Variants in HS6ST3 observed in about 807,000 individuals in gnomAD.
HS6ST3 encodes the protein heparan sulfate 6-O-sulfotransferase 3, also known as heparan-sulfate 6-O-sulfotransferase 3.
A neutral mutation model predicts 36.7 loss-of-function variants in HS6ST3; 12 were observed. That is an observed-to-expected ratio of 0.33 (90% confidence interval 0.21 to 0.53). The LOEUF (loss-of-function observed/expected upper bound fraction) is 0.53. HS6ST3 is among the 20% of genes least tolerant of loss of function. The pLI is 0.95. For missense variants in HS6ST3, 584 were observed against 640.9 expected (o/e 0.91, Z 0.96); for synonymous variants, 240 against 257.5 (o/e 0.93, Z 0.65).
intron 1 of HS6ST3, among the ~76,000 whole-genome samples, chr13:96,653,301 T>A (rs2056613847): frequency 2.6e-5 from 4 of 152,042 alleles, no homozygotes; most frequent in Admixed American, 2.0e-4. Flanking sequence ...TGGCGATTTG[T>A]TGCACTTATC....
intron 1 of HS6ST3, among the ~76,000 whole-genome samples, chr13:96,221,776 A>G (rs1472647510): frequency 6.6e-6 from 1 of 152,224 alleles, no homozygotes; most frequent in African/African-American, 2.4e-5. Flanking sequence ...GTTTATTAGC[A>G]GGTTGTATGA....
At chr13:96,527,763 G>A (rs1594800312) in intron 1 of HS6ST3, among the ~76,000 whole-genome samples, 2 of 152,294 alleles carry the variant, frequency 1.3e-5, no homozygotes, top group Middle Eastern at 3.4e-3. Context: ...AAGTGTTTGT[G>A]GCTGGAGCAG....
chr13:96,252,026 T>G (rs2139377809), intron 1 of HS6ST3, among the ~76,000 whole-genome samples: 1 of 152,312 alleles, frequency 6.6e-6, no homozygotes, highest in African/African-American at 2.4e-5. Flanking sequence ...TCTACTGCTA[T>G]TGGATGTAAT....
chr13:96,718,614 T>C (rs1875764742), intron 1 of HS6ST3, among the ~76,000 whole-genome samples: 1 of 152,224 alleles, frequency 6.6e-6, no homozygotes, highest in South Asian at 2.1e-4. Flanking sequence ...ACTTATGACC[T>C]ACACCTAGTT....
intron 1 of HS6ST3, among the ~76,000 whole-genome samples, chr13:96,723,866 A>G (rs1368036597): frequency 1.3e-5 from 2 of 152,138 alleles, no homozygotes; most frequent in Non-Finnish European, 2.9e-5. Context: ...AAATTCCTTT[A>G]ATTCCTATTT....
intron 1 of HS6ST3, among the ~76,000 whole-genome samples, chr13:96,232,460 G>C (rs900850790): frequency 3.9e-5 from 6 of 152,280 alleles, no homozygotes; most frequent in Middle Eastern, 3.4e-3. Context: ...AAACAAGAAT[G>C]CTTCTGTATT....
chr13:96,344,002 A>G (rs988868070), intron 1 of HS6ST3, among the ~76,000 whole-genome samples: 3 of 152,198 alleles, frequency 2.0e-5, no homozygotes, highest in African/African-American at 7.2e-5. Context: ...TCAGCCTTCC[A>G]AAGTGCTGGG....
intron 1 of HS6ST3, among the ~76,000 whole-genome samples, chr13:96,695,914 T>C (rs1406248719): frequency 6.6e-6 from 1 of 152,122 alleles, no homozygotes; most frequent in African/African-American, 2.4e-5. Flanking sequence ...AATCCAAATG[T>C]TAAACTAAGA....
At chr13:96,469,985 A>G (rs2055832968) in intron 1 of HS6ST3, among the ~76,000 whole-genome samples, 2 of 152,214 alleles carry the variant, frequency 1.3e-5, no homozygotes. Flanking sequence ...ATATTGCTAC[A>G]TACATATAGA....
chr13:96,185,641 G>A (rs2054261588), intron 1 of HS6ST3, among the ~76,000 whole-genome samples: 1 of 152,122 alleles, frequency 6.6e-6, no homozygotes, highest in Non-Finnish European at 1.5e-5. Flanking sequence ...ATTTTCTCCT[G>A]TTATTAATTG....
intron 1 of HS6ST3, among the ~76,000 whole-genome samples, chr13:96,316,930 C>T (rs188573769): frequency 7.6e-4 from 116 of 152,238 alleles, no homozygotes; most frequent in African/African-American, 2.7e-3. Flanking sequence ...GCGCCTTCCA[C>T]ACTGAAAATA....
chr13:96,258,066 A>G (rs1461290323), intron 1 of HS6ST3, among the ~76,000 whole-genome samples: 3 of 152,190 alleles, frequency 2.0e-5, no homozygotes, highest in Non-Finnish European at 2.9e-5. Flanking sequence ...ACTGGACTTG[A>G]TGGCAGTTCA....
At chr13:96,324,975 T>G (rs1324594705) in intron 1 of HS6ST3, among the ~76,000 whole-genome samples, 1 of 152,198 alleles carries the variant, frequency 6.6e-6, no homozygotes, top group African/African-American at 2.4e-5. Context: ...TGTATGTAGC[T>G]TGGGCATAAC....
intron 1 of HS6ST3, among the ~76,000 whole-genome samples, chr13:96,590,414 T>C (rs1043074284): frequency 6.6e-6 from 1 of 152,182 alleles, no homozygotes; most frequent in African/African-American, 2.4e-5. Context: ...CATTGTAGTT[T>C]TGATTTGCGT....
intron 1 of HS6ST3, among the ~76,000 whole-genome samples, chr13:96,500,990 C>G (rs1165362369): frequency 6.6e-6 from 1 of 152,132 alleles, no homozygotes; most frequent in Non-Finnish European, 1.5e-5. Context: ...CTCTCTCTCT[C>G]TCTTTTGTAG....
At chr13:96,274,845 A>T (rs1370039654) in intron 1 of HS6ST3, among the ~76,000 whole-genome samples, 3 of 25,032 alleles carry the variant, frequency 1.2e-4, no homozygotes, top group Admixed American at 2.8e-4. Context: ...TCCTTCACAC[A>T]CACACACACA....
rs1355285802 is a variant in HS6ST3 at position 96,552,440 on chromosome 13, T to A, written c.708-280050T>A. 2.0e-5 allele frequency among the ~76,000 whole-genome samples: 3 copies of A among 152,140 alleles called. No individual in the cohort carries two copies. In the South Asian group the frequency reaches 6.2e-4, roughly 32 times the overall value. On this transcript the variant is annotated intron_variant, in intron 1 of 1. Coordinates refer to ENST00000376705, the MANE Select transcript of HS6ST3 (RefSeq NM_153456.4). ...TTCTCTATAGCTGGCCTTCTGCAAG[T>A]GGTCACATCTGTGGTCAGAGCCAGG...
intron 1 of HS6ST3, among the ~76,000 whole-genome samples, chr13:96,516,519 A>G (rs1340747874): frequency 1.3e-5 from 2 of 152,234 alleles, no homozygotes; most frequent in Non-Finnish European, 2.9e-5. Context: ...GTCACAAAAA[A>G]TAGCAAAACA....
intron 1 of HS6ST3, among the ~76,000 whole-genome samples, chr13:96,180,045 G>A (rs2054232105): frequency 6.6e-6 from 1 of 152,112 alleles, no homozygotes; most frequent in African/African-American, 2.4e-5. Context: ...TTGTTGGCCA[G>A]GCTGGTCTCA....
Sources: gnomAD v4.1 joint callset for allele counts (sites outside exome capture counted in the v4.1 genomes callset) on GRCh38, gnomAD v4.1.1 for gene constraint, MANE v1.5 for transcripts, NCBI Gene and HGNC (gene_info 2026-07-23, HGNC 2026-07-21) for gene names.